ACOT13: variants seen among roughly 807,000 people sequenced by gnomAD.
The protein encoded by ACOT13 is acyl-CoA thioesterase 13.
A neutral mutation model predicts 11.8 loss-of-function variants in ACOT13; 10 were observed. The ratio of observed to expected loss-of-function variants is 0.85; its 90% CI spans 0.53 to 1.44. ACOT13 has a LOEUF of 1.44. ACOT13 is among the 40% of genes most tolerant of loss of function. The pLI is 0.00. For synonymous variants in ACOT13, 53 were observed against 61.0 expected, an observed-to-expected ratio of 0.87 and a Z score of 0.61; for missense variants, 172 against 174.1, an observed-to-expected ratio of 0.99 and a Z score of 0.07.
chr6:24,687,941 G>A (rs1185677505), intron 1 of ACOT13, among the ~76,000 whole-genome samples: 1 of 151,828 alleles, frequency 6.6e-6, no homozygotes, highest in Non-Finnish European at 1.5e-5. Context: ...TCAAACTCCT[G>A]ACCTCAAGTG....
At chr6:24,682,891 C>G (rs9467254) in intron 1 of ACOT13, among the ~76,000 whole-genome samples, 56,636 of 152,130 alleles carry the variant, frequency 0.37, 14,087 homozygotes, top group African/African-American at 0.66. Context: ...TATCCCGATC[C>G]TTGTCCCTCC....
chr6:24,679,766 T>C (rs2876680), intron 1 of ACOT13, among the ~76,000 whole-genome samples: 56,768 of 152,114 alleles, frequency 0.37, 14,155 homozygotes, highest in African/African-American at 0.66. Context: ...TTGGGGTTAG[T>C]GTCTGATTTA....
intron 1 of ACOT13, chr6:24,687,651 G>T (rs770349753): frequency 6.6e-7 from 1 of 1,518,778 alleles, no homozygotes; most frequent in South Asian, 1.3e-5. Flanking sequence ...ATACAGGCTT[G>T]AGAGAAAGAA....
chr6:24,699,258 GGA>G (rs1562163395), intron 2 of ACOT13, among the ~76,000 whole-genome samples: 1 of 145,296 alleles, frequency 6.9e-6, no homozygotes, highest in African/African-American at 2.6e-5. Context: ...GGCCCAGGCT[GGA>G]GTGCAGTGGT....
At chr6:24,700,422 CACCTT>C (rs1484722897) in intron 2 of ACOT13, among the ~76,000 whole-genome samples, 3 of 144,560 alleles carry the variant, frequency 2.1e-5, no homozygotes, top group Non-Finnish European at 4.5e-5. Context: ...CAATAAGATC[CACCTT>C]TTTTTTTTTT....
chr6:24,687,194 A>G (rs1189107482), intron 1 of ACOT13, among the ~76,000 whole-genome samples: 1 of 152,150 alleles, frequency 6.6e-6, no homozygotes, highest in Non-Finnish European at 1.5e-5. Flanking sequence ...ACGACCCATT[A>G]AACAATAACT....
chr6:24,672,400 G>A (rs868511744), intron 1 of ACOT13, among the ~76,000 whole-genome samples: 6 of 152,194 alleles, frequency 3.9e-5, no homozygotes, highest in African/African-American at 1.4e-4. Context: ...CAGCACTTTG[G>A]GAGGCCGAGG....
chr6:24,690,516 G>T (rs888614065), intron 1 of ACOT13, among the ~76,000 whole-genome samples: 12 of 152,092 alleles, frequency 7.9e-5, no homozygotes, highest in African/African-American at 2.9e-4. Flanking sequence ...CAGCCTTTGG[G>T]GAAGAAAAAT....
intron 1 of ACOT13, among the ~76,000 whole-genome samples, chr6:24,674,453 G>C (rs972227203): frequency 6.6e-6 from 1 of 152,126 alleles, no homozygotes; most frequent in African/African-American, 2.4e-5. Flanking sequence ...CTGTCACCCA[G>C]GCTGGAGTGC....
At chr6:24,668,069 C>CCGCCAAA (rs1582429870) in intron 1 of ACOT13, among the ~76,000 whole-genome samples, 2 of 150,610 alleles carry the variant, frequency 1.3e-5, no homozygotes, top group East Asian at 3.9e-4. Flanking sequence ...CCACCATGCC[C>CCGCCAAA]AGCTAATATT....
chr6:24,697,939 A>C lies in ACOT13; in HGVS notation c.138A>C (p.Glu46Asp). ...TGATTTGTGAAATGAAAGTAGAAGA[A>C]GAGCATACCAATGCAATAGGCACTC... ...GKVICEMKVE[E>D]EHTNAIGTLH... Residue 46 changes from glutamate to aspartate, a missense_variant, in exon 2 of 3, where the codon GAA (glutamate) becomes GAC (aspartate). Transcript: ENST00000230048. The C allele has an allele frequency of 1.2e-6, 2 of 1,613,380 alleles. No homozygotes were observed. The highest frequency in any genetic ancestry group is 1.7e-6 in the Non-Finnish European group (2 of 1,179,744).
chr6:24,701,430 G>A (rs1476075508), intron 2 of ACOT13, 29 bp from the exon 3 acceptor site: 6 of 1,583,074 alleles, frequency 3.8e-6, no homozygotes, highest in Non-Finnish European at 4.3e-6. Flanking sequence ...AAAATTATCT[G>A]CTGTTAACTA....
At chr6:24,701,246 T>C in intron 2 of ACOT13, 1 of 354,890 alleles carries the variant, frequency 2.8e-6, no homozygotes, top group Non-Finnish European at 5.0e-6. Context: ...TCTCACATAT[T>C]TGGGAAAAGA....
intron 1 of ACOT13, chr6:24,687,598 A>G: frequency 6.8e-7 from 1 of 1,469,560 alleles, no homozygotes; most frequent in South Asian, 1.4e-5. Context: ...GGAGGAACAC[A>G]CTGGAGAGAA....
chr6:24,683,478 G>A (rs550391912), intron 1 of ACOT13, among the ~76,000 whole-genome samples: 1 of 152,144 alleles, frequency 6.6e-6, no homozygotes, highest in South Asian at 2.1e-4. Flanking sequence ...GGAGTTTGCA[G>A]TGAGCCGAGA....
intron 2 of ACOT13, among the ~76,000 whole-genome samples, chr6:24,699,818 A>C (rs1198785839): frequency 2.6e-5 from 4 of 152,224 alleles, no homozygotes; most frequent in Non-Finnish European, 5.9e-5. Context: ...CTACTAAGGT[A>C]CTTTTGCCTT....
chr6:24,698,582 A>G (rs1778836710), intron 2 of ACOT13, among the ~76,000 whole-genome samples: 2 of 152,190 alleles, frequency 1.3e-5, no homozygotes, highest in African/African-American at 2.4e-5. Flanking sequence ...ATTCAAAGTA[A>G]AGTTAGAGTT....
rs2127630459 is a variant in ACOT13 at position 24,703,158 on chromosome 6, GAACCA to G, written c.*1544_*1548del. 6.6e-6 allele frequency: 1 copy of G among 152,376 alleles called. No individual in the cohort carries two copies. The highest frequency in any genetic ancestry group is 2.4e-5 in the African/African-American group (1 of 41,574). 9.4% of individuals were successfully genotyped at this position (152,376 alleles called of 1,614,324 possible). On this transcript the variant is annotated 3_prime_UTR_variant, in exon 3 of 3. Coordinates refer to ENST00000230048, the MANE Select transcript of ACOT13 (RefSeq NM_018473.4). ...CCCCAAGTACTGGACTTACAGGTGT[GAACCA>G]CTGCACCCAGCTGACTCTTACTTGA...
At chr6:24,668,487 C>CT (rs2127620236) in intron 1 of ACOT13, among the ~76,000 whole-genome samples, 1 of 152,292 alleles carries the variant, frequency 6.6e-6, no homozygotes, top group Admixed American at 6.5e-5. Flanking sequence ...TCCCGAAGTG[C>CT]TGGGATTACA....
Sources: gnomAD v4.1 joint callset for allele counts (sites outside exome capture counted in the v4.1 genomes callset) on GRCh38, gnomAD v4.1.1 for gene constraint, MANE v1.5 for transcripts, NCBI Gene and HGNC (gene_info 2026-07-23, HGNC 2026-07-21) for gene names.